The following GALC variants were observed in gnomAD, a reference collection of about 807,000 sequenced individuals.
GALC encodes the protein galactosylceramidase.
A neutral mutation model predicts 91.8 loss-of-function variants in GALC; 77 were observed. The observed-to-expected ratio is 0.84, with a 90% CI of 0.70 to 1.01. The LOEUF is 1.01. Among genes scored for constraint, GALC ranks in the 50% least tolerant of loss-of-function variants. The pLI is 0.00. For synonymous variants in GALC, 357 were observed against 306.7 expected, an observed-to-expected ratio of 1.16 and a Z score of -1.71; for missense variants, 882 against 855.9, an observed-to-expected ratio of 1.03 and a Z score of -0.38.
chr14:87,988,140 C>A lies in GALC; in HGVS notation c.328+4G>T. On this transcript the variant is annotated splice_donor_region_variant and intron_variant, in intron 3 of 16. Transcript: ENST00000261304. ...GAGAAATCCTATCTCCCAAATTCTC[C>A]TACCTGTTGTCTGCCCATCACCACC... The A allele has an allele frequency of 6.2e-7, 1 of 1,612,204 alleles. No individual in the cohort carries two copies. Among genetic ancestry groups the A allele is most frequent in the Non-Finnish European group, 8.5e-7 (1 of 1,178,364 alleles).
intron 14 of GALC, 65 bp from the exon 15 acceptor site, chr14:87,941,623 G>A: frequency 1.8e-6 from 2 of 1,096,006 alleles, no homozygotes; most frequent in Non-Finnish European, 2.8e-6. Context: ...GTACAGATAT[G>A]TCATTTCACA....
rs147592843 is a variant in GALC at position 87,956,585 on chromosome 14, C to CATATATATATACACACACACACCAT, written c.1162-5838_1162-5837insATGGTGTGTGTGTGTATATATATAT. 1.7e-4 allele frequency among the ~76,000 whole-genome samples: 23 copies of CATATATATATACACACACACACCAT among 137,246 alleles called. No individual in the cohort carries two copies. The East Asian group carries it at 4.3e-3, about 25-fold the overall frequency. 90.0% of individuals were successfully genotyped at this position (137,246 alleles called of 152,430 possible). On this transcript the variant is annotated intron_variant, in intron 10 of 16. Transcript: ENST00000261304. ...CATATATATATATATACACACACAC[C>CATATATATATACACACACACACCAT]ATATATATACACACACACACACACA...
intron 10 of GALC, among the ~76,000 whole-genome samples, chr14:87,960,286 C>T (rs1047853122): frequency 1.3e-5 from 2 of 152,098 alleles, no homozygotes; most frequent in Non-Finnish European, 2.9e-5. Context: ...AGGAAGAGGT[C>T]GGTCAACAGG....
At chr14:87,978,710 C>G (rs573274241) in intron 6 of GALC, among the ~76,000 whole-genome samples, 2 of 148,526 alleles carry the variant, frequency 1.3e-5, no homozygotes, top group African/African-American at 4.9e-5. Context: ...GTCCAAAGAC[C>G]CAGGCACTTC....
chr14:87,965,074 A>G (rs1006321409), intron 9 of GALC, among the ~76,000 whole-genome samples: 9 of 152,262 alleles, frequency 5.9e-5, no homozygotes, highest in African/African-American at 1.7e-4. Flanking sequence ...ATTTTTAATC[A>G]TCTCCCTTTG....
chr14:87,940,067 C>G, intron 15 of GALC, 86 bp from the exon 16 acceptor site: 1 of 1,012,816 alleles, frequency 9.9e-7, no homozygotes, highest in Admixed American at 1.7e-5. Flanking sequence ...TCTTGAGTGG[C>G]ATCTGTATGT....
rs1206314643 is a variant in GALC, at chr14:87,934,853, T to C, written c.1937A>G (p.Asn646Ser). Reference protein sequence around the residue: ...IKGHFTSGMLNDKSLWTDIPV... With the variant: ...IKGHFTSGMLSDKSLWTDIPV... ...GATGTCTGTCCACAGAGACTTGTCA[T>C]TCAGCATGCCAGAGGTGAAATGACC... Residue 646 changes from asparagine to serine, a missense_variant, in exon 17 of 17, where the codon AAT becomes AGT. Physicochemically the swap from Asn to Ser is conservative, Grantham distance 46. Transcript: ENST00000261304. The C allele has an allele frequency of 6.2e-7, 1 of 1,612,574 alleles. No homozygotes were observed. The highest frequency in any genetic ancestry group is 8.5e-7 in the Non-Finnish European group (1 of 1,178,886).
chr14:87,992,512 C>T (rs1398024177), intron 1 of GALC: 10 of 1,530,616 alleles, frequency 6.5e-6, no homozygotes, highest in Non-Finnish European at 8.7e-6. Flanking sequence ...CCCACCAACT[C>T]CTCCAAAAGG....
rs985442758 is a variant in GALC, at chr14:87,933,806, G to A, written c.*926C>T. On this transcript the variant is annotated 3_prime_UTR_variant, in exon 17 of 17. Transcript: ENST00000261304. Reference sequence around the variant, plus strand: ...AAAAAGTAAGTACATCTTAGGAGATGATCCAATTCTGGGAGTTAGCAAATG... The same window carrying A: ...AAAAAGTAAGTACATCTTAGGAGATAATCCAATTCTGGGAGTTAGCAAATG... 9.0e-6 allele frequency: 5 copies of A among 557,012 alleles called. No individual in the cohort carries two copies. Among genetic ancestry groups the A allele is most frequent in the Non-Finnish European group, 1.3e-5 (4 of 315,030 alleles). The allele number at this position is 557,012 out of a possible 1,614,324, so 34.5% of individuals were successfully genotyped here. A position where few individuals can be genotyped will look rare whatever the true frequency, so the allele number is the denominator to read the frequency against.
At chr14:87,937,891 G>A (rs1884653808) in intron 16 of GALC, among the ~76,000 whole-genome samples, 1 of 151,000 alleles carries the variant, frequency 6.6e-6, no homozygotes, top group Non-Finnish European at 1.5e-5. Context: ...GCATGCTTTT[G>A]TTCCTGTGTT....
At chr14:87,989,116 T>A (rs1477013301) in intron 1 of GALC, among the ~76,000 whole-genome samples, 1 of 152,042 alleles carries the variant, frequency 6.6e-6, no homozygotes, top group Non-Finnish European at 1.5e-5. Context: ...ATACAACTAT[T>A]TGAAAAAAGA....
At chr14:87,962,616 CACACACA>C (rs1391021615) in intron 10 of GALC, among the ~76,000 whole-genome samples, 15 of 108,330 alleles carry the variant, frequency 1.4e-4, no homozygotes, top group Non-Finnish European at 2.2e-4. Context: ...CACACACACA[CACACACA>C]CCATTTTTTT....
At chr14:87,949,016 G>T (rs1885195394) in intron 12 of GALC, among the ~76,000 whole-genome samples, 1 of 152,008 alleles carries the variant, frequency 6.6e-6, no homozygotes, top group Admixed American at 6.6e-5. Flanking sequence ...ATAAGGCAAG[G>T]CTCAGTCTTC....
intron 7 of GALC, among the ~76,000 whole-genome samples, chr14:87,970,028 A>G (rs1298088617): frequency 2.6e-5 from 4 of 152,208 alleles, no homozygotes; most frequent in Admixed American, 6.5e-5. Context: ...TTAAGCAATC[A>G]TTGTTCTGGA....
intron 3 of GALC, among the ~76,000 whole-genome samples, 185 bp from the exon 4 acceptor site, chr14:87,986,787 T>C (rs954340960): frequency 5.3e-5 from 8 of 151,602 alleles, no homozygotes; most frequent in Non-Finnish European, 1.0e-4. Flanking sequence ...TATCATTTCA[T>C]CCTTTTTTTA....
At chr14:87,941,611 T>C (rs1047706684) in intron 14 of GALC, 53 bp from the exon 15 acceptor site, 26 of 1,171,562 alleles carry the variant, frequency 2.2e-5, no homozygotes, top group East Asian at 9.4e-5. Context: ...CTTTGTAACA[T>C]AGTACAGATA....
At chr14:87,946,415 T>C (rs1479207715) in intron 13 of GALC, among the ~76,000 whole-genome samples, 1 of 152,090 alleles carries the variant, frequency 6.6e-6, no homozygotes, top group African/African-American at 2.4e-5. Flanking sequence ...ATAGCTCTTA[T>C]ACCTCATGCT....
chr14:87,977,855 T>C (rs927826335), intron 6 of GALC, among the ~76,000 whole-genome samples: 1 of 152,206 alleles, frequency 6.6e-6, no homozygotes, highest in African/African-American at 2.4e-5. Context: ...TATAGGATTT[T>C]AGAAAACGGG....
At position 87,940,754 on chromosome 14, in the gene GALC, C is replaced by T. The variant is rs1434255899; in HGVS notation, c.1834+641G>A. Among the ~76,000 whole-genome samples, 8 of 151,688 alleles carry T rather than the reference C, an allele frequency of 5.3e-5. No homozygotes were observed. The East Asian group carries it at 7.8e-4, about 15-fold the overall frequency. On this transcript the variant is annotated intron_variant, in intron 15 of 16. Coordinates refer to ENST00000261304, the MANE Select transcript of GALC (RefSeq NM_000153.4). ...GAGATATTTTTAAATTAAGGTAAGA[C>T]GAAAGTCAAGAGACTGAGAATCAAG...
Sources: allele counts gnomAD v4.1 joint callset (sites outside exome capture counted in the v4.1 genomes callset), GRCh38; gene constraint gnomAD v4.1.1; transcripts MANE v1.5; gene names NCBI Gene and HGNC (gene_info 2026-07-23, HGNC 2026-07-21).